The following NMT2 variants were observed in gnomAD, a reference collection of about 807,000 sequenced individuals.
NMT2 encodes N-myristoyltransferase 2.
A neutral mutation model predicts 65.4 loss-of-function variants in NMT2; 35 were observed. The observed-to-expected ratio is 0.54, with a 90% CI of 0.41 to 0.71. NMT2 has a LOEUF of 0.71. Among genes scored for constraint, NMT2 ranks in the 30% least tolerant of loss-of-function variants. The probability of loss-of-function intolerance (pLI) is 0.00; values close to 1 mark genes in which losing one functional copy is unlikely to be tolerated. For missense variants in NMT2, 489 were observed against 611.3 expected, an observed-to-expected ratio of 0.80 and a Z score of 2.11; for synonymous variants, 226 against 231.8, an observed-to-expected ratio of 0.98 and a Z score of 0.23.
At chr10:15,125,157 G>C (rs757173219) in intron 8 of NMT2, among the ~76,000 whole-genome samples, 2 of 152,124 alleles carry the variant, frequency 1.3e-5, no homozygotes, top group African/African-American at 4.8e-5. Flanking sequence ...TGTAAAATGG[G>C]GATAAGAAGT....
At chr10:15,119,538 A>C (rs1486834014) in intron 8 of NMT2, 25 bp from the exon 9 acceptor site, 1 of 1,607,860 alleles carries the variant, frequency 6.2e-7, no homozygotes, top group Non-Finnish European at 8.5e-7. Context: ...AACAAAACAA[A>C]TCCAGAAGTT....
intron 10 of NMT2, among the ~76,000 whole-genome samples, chr10:15,110,718 A>T (rs993187075): frequency 6.6e-6 from 1 of 152,248 alleles, no homozygotes; most frequent in African/African-American, 2.4e-5. Flanking sequence ...TTAAAAATGT[A>T]GTATGATGGC....
At chr10:15,153,020 A>C (rs1243607338) in intron 1 of NMT2, among the ~76,000 whole-genome samples, 1 of 152,232 alleles carries the variant, frequency 6.6e-6, no homozygotes, top group African/African-American at 2.4e-5. Flanking sequence ...AATATACAGC[A>C]GCCCCCCTTT....
chr10:15,144,326 C>A (rs538465264), intron 1 of NMT2, among the ~76,000 whole-genome samples: 1 of 152,260 alleles, frequency 6.6e-6, no homozygotes, highest in Admixed American at 6.5e-5. Context: ...CCCAGCCCTT[C>A]AGTGAGGAAG....
At chr10:15,154,263 G>T (rs1345223832) in intron 1 of NMT2, among the ~76,000 whole-genome samples, 1 of 152,174 alleles carries the variant, frequency 6.6e-6, no homozygotes, top group Non-Finnish European at 1.5e-5. Flanking sequence ...TGGAAGAAGG[G>T]GCCCACTGGC....
intron 2 of NMT2, 104 bp from the exon 3 acceptor site, chr10:15,135,522 T>C (rs140435211): frequency 0.016 from 18,835 of 1,153,740 alleles, 211 homozygotes; most frequent in Non-Finnish European, 0.021. Flanking sequence ...ACCTAAACAC[T>C]AACAATCCTC....
In NMT2 at chr10:15,151,059, C is replaced by CTTTTTTTTTTTTTTTTTTT. The variant is rs200879621; in HGVS notation, c.111-9503_111-9502insAAAAAAAAAAAAAAAAAAA. 4.3e-5 allele frequency among the ~76,000 whole-genome samples: 6 copies of CTTTTTTTTTTTTTTTTTTT among 139,896 alleles called. 1 individual carries two copies. Among genetic ancestry groups the CTTTTTTTTTTTTTTTTTTT allele is most frequent in the African/African-American group, 1.6e-4 (6 of 37,308 alleles). The allele number at this position is 139,896 out of a possible 152,430, so 91.8% of individuals were successfully genotyped here. On this transcript the variant is annotated intron_variant, in intron 1 of 11. Transcript: ENST00000378165. ...TATATTCTATCTCATTAGCTTCCTC[C>CTTTTTTTTTTTTTTTTTTT]TTTTTTTTTTTTTTTGGAGACGGAG...
At position 15,108,236 on chromosome 10, in the gene NMT2, G is replaced by A; in HGVS notation, c.*959C>T. 5 of 950,972 alleles carry A rather than the reference G, an allele frequency of 5.3e-6. No homozygotes were observed. Among genetic ancestry groups the A allele is most frequent in the Non-Finnish European group, 6.2e-6 (5 of 801,804 alleles). The allele number at this position is 950,972 out of a possible 1,614,324, so 58.9% of individuals were successfully genotyped here. On this transcript the variant is annotated 3_prime_UTR_variant, in exon 12 of 12. Transcript: ENST00000378165. ...AGTCTCACGCTCTGTCACCCAGGCT[G>A]GAGTGCAGTGGCTCGATCTCGGCTC...
Position 15,130,266 on chromosome 10 carries a change from A to G in NMT2, c.766T>C (p.Leu256=). 1.2e-6 allele frequency: 2 copies of G among 1,605,264 alleles called. No individual in the cohort carries two copies. Among genetic ancestry groups the G allele is most frequent in the Non-Finnish European group, 8.5e-7 (1 of 1,175,214 alleles). The stretch of plus-strand genomic sequence containing the variant: ...ACTGGGGCTACCCGTTTCGATCTCA[A>G]CTTCTTATGAACACAAAGAAAGTTG... ...EINFLCVHKK[L]RSKRVAPVLI... is the part of the protein sequence containing the mutation. The change falls in exon 7 of 12, where the codon TTG becomes CTG. Residue 256 remains leucine (L), a synonymous_variant. Transcript: ENST00000378165.
intron 4 of NMT2, 35 bp from the exon 5 acceptor site, chr10:15,133,179 T>A (rs893494186): frequency 6.2e-7 from 1 of 1,603,840 alleles, no homozygotes; most frequent in East Asian, 2.2e-5. Flanking sequence ...TCCATGGTGC[T>A]CAGAATCAAC....
At chr10:15,159,675 G>A (rs376236292) in intron 1 of NMT2, among the ~76,000 whole-genome samples, 2 of 152,120 alleles carry the variant, frequency 1.3e-5, no homozygotes, top group Non-Finnish European at 2.9e-5. Context: ...TGATCCACCC[G>A]CCTCGGCCTC....
chr10:15,113,943 A>C (rs1404662584), intron 9 of NMT2, among the ~76,000 whole-genome samples: 1 of 152,188 alleles, frequency 6.6e-6, no homozygotes, highest in Non-Finnish European at 1.5e-5. Flanking sequence ...TGACTTTTAG[A>C]ATATGATGTG....
intron 1 of NMT2, among the ~76,000 whole-genome samples, chr10:15,161,131 T>C (rs920140155): frequency 3.9e-4 from 54 of 138,868 alleles, no homozygotes; most frequent in African/African-American, 1.4e-3. Context: ...ACAACATCTG[T>C]ACCAGTAAAT....
chr10:15,159,759 G>C (rs928117095), intron 1 of NMT2, among the ~76,000 whole-genome samples: 1 of 152,190 alleles, frequency 6.6e-6, no homozygotes, highest in African/African-American at 2.4e-5. Flanking sequence ...CTGGTTGGTA[G>C]ATGCTACACA....
chr10:15,156,758 T>A (rs1375096661), intron 1 of NMT2, among the ~76,000 whole-genome samples: 2 of 152,044 alleles, frequency 1.3e-5, no homozygotes, highest in African/African-American at 4.8e-5. Flanking sequence ...TAGCCATACG[T>A]GGTGGCACAT....
chr10:15,130,786 CTTTTTTTT>C (rs765987022), intron 6 of NMT2, among the ~76,000 whole-genome samples: 9 of 101,206 alleles, frequency 8.9e-5, no homozygotes, highest in African/African-American at 1.5e-4. Context: ...TTCTTTCTTT[CTTTTTTTT>C]TTTTTTTTTT....
At chr10:15,113,218 C>A (rs1564558622) in intron 9 of NMT2, among the ~76,000 whole-genome samples, 1 of 151,896 alleles carries the variant, frequency 6.6e-6, no homozygotes, top group African/African-American at 2.4e-5. Flanking sequence ...TGCCTGTAAT[C>A]CCAGCACTTT....
At chr10:15,157,705 T>C (rs1398480494) in intron 1 of NMT2, among the ~76,000 whole-genome samples, 4 of 152,222 alleles carry the variant, frequency 2.6e-5, no homozygotes, top group African/African-American at 9.7e-5. Context: ...TTCCTAATTA[T>C]TGATTTGCAA....
chr10:15,143,637 G>A (rs1168396538), intron 1 of NMT2, among the ~76,000 whole-genome samples: 3 of 152,194 alleles, frequency 2.0e-5, no homozygotes, highest in Admixed American at 1.3e-4. Context: ...CGGGAAGATC[G>A]CTTGAGCCTA....
Sources: allele counts gnomAD v4.1 joint callset (sites outside exome capture counted in the v4.1 genomes callset), GRCh38; gene constraint gnomAD v4.1.1; transcripts MANE v1.5; gene names NCBI Gene and HGNC (gene_info 2026-07-23, HGNC 2026-07-21).